Variants in TAF1D observed in about 807,000 individuals in gnomAD.
TAF1D encodes the protein TATA box-binding protein-associated factor RNA polymerase I subunit D.
TAF1D carries 23 observed loss-of-function variants against 26.2 expected under a neutral mutation model. The observed-to-expected ratio is 0.88, with a 90% CI of 0.63 to 1.25. The LOEUF is 1.25. Among genes scored for constraint, TAF1D ranks in the 50% most tolerant of loss-of-function variants. The pLI, the probability that TAF1D is intolerant of heterozygous loss-of-function variation, is 0.00. For synonymous variants in TAF1D, 100 were observed against 105.6 expected, an observed-to-expected ratio of 0.95 and a Z score of 0.33; for missense variants, 299 against 322.0, an observed-to-expected ratio of 0.93 and a Z score of 0.55.
rs140370626 is a variant in TAF1D at position 93,736,626 on chromosome 11, A to G, written c.693+68T>C. ...ATGAAGTGTAAGAGAAAAACTAAAT[A>G]TAATTCCTTCTGTATCAACCAACTC... On this transcript the variant is annotated intron_variant, in intron 5 of 5. Transcript: ENST00000448108. 14 of 1,570,946 alleles carry G rather than the reference A, an allele frequency of 8.9e-6. No individual in the cohort carries two copies. The African/African-American group carries it at 1.4e-4, about 15-fold the overall frequency.
At chr11:93,735,515 A>G (rs1940576653), downstream of TAF1D, 1 of 440,424 alleles carries the variant, frequency 2.3e-6, no homozygotes, top group Non-Finnish European at 3.1e-6. Flanking sequence ...TACTAAAAAA[A>G]CAAAAACTAG....
In TAF1D at chr11:93,741,365, G is replaced by A. The variant is rs1417604189; in HGVS notation, c.-71C>T. On this transcript the variant is annotated 5_prime_UTR_variant, in exon 1 of 6. Coordinates refer to ENST00000448108, the MANE Select transcript of TAF1D (RefSeq NM_024116.4). ...GGCCCCAACCGCGCACTTGCTGCTTGTAACCCAGGCCTCGGCCCAAAACCC... is the reference window on the plus strand; with the variant it reads ...GGCCCCAACCGCGCACTTGCTGCTTATAACCCAGGCCTCGGCCCAAAACCC... The A allele has an allele frequency of 2.2e-6, 1 of 453,418 alleles. No individual in the cohort carries two copies. The highest frequency in any genetic ancestry group is 4.4e-6 in the Non-Finnish European group (1 of 226,396). 28.1% of individuals were successfully genotyped at this position (453,418 alleles called of 1,614,324 possible). A position where few individuals can be genotyped will look rare whatever the true frequency, so the allele number is the denominator to read the frequency against.
chr11:93,735,017 G>T, downstream of TAF1D: 1 of 1,223,548 alleles, frequency 8.2e-7, no homozygotes, highest in South Asian at 1.4e-5. Context: ...TCCCACCTTG[G>T]TGTGGGGATT....
downstream of TAF1D, chr11:93,734,171 T>C (rs1053388385): frequency 2.0e-5 from 3 of 153,206 alleles, no homozygotes; most frequent in African/African-American, 7.2e-5. Flanking sequence ...TTGTCATCCA[T>C]TATAAAATAC....
At chr11:93,737,663 A>G (rs1010927221) in intron 3 of TAF1D, among the ~76,000 whole-genome samples, 2 of 152,220 alleles carry the variant, frequency 1.3e-5, no homozygotes, top group African/African-American at 4.8e-5. Context: ...AATATTTAAA[A>G]AAGTCTACTC....
At chr11:93,731,095 G>A (rs771700400), downstream of TAF1D, 3 of 517,368 alleles carry the variant, frequency 5.8e-6, no homozygotes, top group African/African-American at 5.8e-5. Context: ...CCTTGGTAAT[G>A]ACCATTACAC....
exon 12 of TAF1D, chr11:93,730,410 A>G (rs929265105): frequency 2.5e-6 from 2 of 792,256 alleles, no homozygotes; most frequent in Non-Finnish European, 4.4e-6. Flanking sequence ...TAGATCCTCT[A>G]AAGAGCTGGA....
At chr11:93,741,277 C>T (rs1253168588) in intron 1 of TAF1D, 45 bp downstream of exon 1, 3 of 455,404 alleles carry the variant, frequency 6.6e-6, no homozygotes, top group Non-Finnish European at 1.3e-5. Flanking sequence ...GCAACGCCTC[C>T]CCCGCCCGCC....
chr11:93,731,593 C>T (rs371598837), downstream of TAF1D: 17 of 518,430 alleles, frequency 3.3e-5, no homozygotes, highest in Non-Finnish European at 6.2e-5. Flanking sequence ...GAAGTTTAAA[C>T]ACATAATAAC....
downstream of TAF1D, chr11:93,733,151 A>G: frequency 2.0e-6 from 1 of 494,520 alleles, no homozygotes; most frequent in Non-Finnish European, 4.0e-6. Context: ...AAGATTTAGA[A>G]AGGATACATT....
At chr11:93,731,889 T>A (rs1939038692), downstream of TAF1D, 2 of 386,196 alleles carry the variant, frequency 5.2e-6, no homozygotes, top group Non-Finnish European at 1.0e-5. Flanking sequence ...TTTCAGTCAA[T>A]ATACAGCACA....
chr11:93,740,296 T>C lies in TAF1D; in HGVS notation c.-27-965A>G, dbSNP rs138828270. Among the ~76,000 whole-genome samples, 31 of 151,892 alleles carry C rather than the reference T, an allele frequency of 2.0e-4. No homozygotes were observed. In the East Asian group the frequency reaches 6.0e-3, roughly 29 times the overall value. ...TTGTCTCTACAAAAAATTCTTAAAA[T>C]ACTGGCTAGGTGTGTTGGCCCGTGC... On this transcript the variant is annotated intron_variant, in intron 1 of 5. Transcript: ENST00000448108.
At chr11:93,740,573 A>G (rs1483700448) in intron 1 of TAF1D, among the ~76,000 whole-genome samples, 2 of 151,992 alleles carry the variant, frequency 1.3e-5, no homozygotes, top group Non-Finnish European at 2.9e-5. Flanking sequence ...ATGAGTCATT[A>G]CATATAAATC....
downstream of TAF1D, chr11:93,731,414 C>T (rs186627170): frequency 1.3e-4 from 62 of 481,168 alleles, no homozygotes; most frequent in African/African-American, 8.2e-4. Flanking sequence ...CATTCATATC[C>T]GAATTTGCTC....
chr11:93,735,455 G>A (rs978635246), downstream of TAF1D: 10 of 548,608 alleles, frequency 1.8e-5, no homozygotes, highest in African/African-American at 1.6e-4. Flanking sequence ...GGCCAAGGCA[G>A]GCGGATCGCC....
At chr11:93,738,723 C>A (rs952324635) in intron 2 of TAF1D, among the ~76,000 whole-genome samples, 1 of 152,138 alleles carries the variant, frequency 6.6e-6, no homozygotes, top group Non-Finnish European at 1.5e-5. Context: ...TTGTAGACAT[C>A]GTCTTGCTGT....
downstream of TAF1D, chr11:93,733,073 A>G (rs1939648803): frequency 2.9e-6 from 1 of 342,382 alleles, no homozygotes; most frequent in Non-Finnish European, 5.8e-6. Flanking sequence ...TTATAAGTTA[A>G]ATATTTTACT....
rs1383117599 is a variant in TAF1D at position 93,735,792 on chromosome 11, T to C, written c.*369A>G. ...TGGGATAAAATTACAGCATTTCAAA[T>C]CCCCTCTTCAAGATGGTTGGGTGTC... is the stretch of plus-strand genomic sequence containing the variant. On this transcript the variant is annotated 3_prime_UTR_variant, in exon 6 of 6. Transcript: ENST00000448108. 2 of 1,055,192 alleles carry C rather than the reference T, an allele frequency of 1.9e-6. No homozygotes were observed. Among genetic ancestry groups the C allele is most frequent in the East Asian group, 2.0e-4 (2 of 10,148 alleles). 65.4% of individuals were successfully genotyped at this position (1,055,192 alleles called of 1,614,324 possible). A position where few individuals can be genotyped will look rare whatever the true frequency, so the allele number is the denominator to read the frequency against.
chr11:93,735,622 TGCGGCCATTG>T lies in TAF1D; in HGVS notation c.*529_*538del. On this transcript the variant is annotated 3_prime_UTR_variant, in exon 6 of 6. Coordinates refer to ENST00000448108, the MANE Select transcript of TAF1D (RefSeq NM_024116.4). The stretch of plus-strand genomic sequence containing the variant: ...GATGGAGGTTGCAGTAAGCCAAGAC[TGCGGCCATTG>T]CACTACAGCCTGGGTGACAGATCGA... The T allele has an allele frequency of 1.1e-6, 1 of 915,106 alleles. No homozygotes were observed. Among genetic ancestry groups the T allele is most frequent in the African/African-American group, 1.8e-5 (1 of 55,516 alleles). The allele number at this position is 915,106 out of a possible 1,614,324, so 56.7% of individuals were successfully genotyped here. A position where few individuals can be genotyped will look rare whatever the true frequency, so the allele number is the denominator to read the frequency against.
Sources: gnomAD v4.1 joint callset for allele counts (sites outside exome capture counted in the v4.1 genomes callset) on GRCh38, gnomAD v4.1.1 for gene constraint, MANE v1.5 for transcripts, NCBI Gene and HGNC (gene_info 2026-07-23, HGNC 2026-07-21) for gene names.